The following GALK2 variants were observed in gnomAD, a reference collection of about 807,000 sequenced individuals.
GALK2 encodes N-acetylgalactosamine kinase.
A neutral mutation model predicts 52.4 loss-of-function variants in GALK2; 36 were observed. That is an observed-to-expected ratio of 0.69 (90% CI 0.53 to 0.91). GALK2 has a LOEUF of 0.91. Ranked by LOEUF, GALK2 falls within the 40% of genes least tolerant of loss-of-function variation. The pLI, the probability that GALK2 is intolerant of heterozygous loss-of-function variation, is 0.00. For synonymous variants in GALK2, 176 were observed against 199.1 expected (o/e 0.88, Z 0.98); for missense variants, 579 against 559.1 (o/e 1.04, Z -0.36).
intron 3 of GALK2, among the ~76,000 whole-genome samples, chr15:49,350,539 G>A (rs1264858973): frequency 6.6e-6 from 1 of 152,132 alleles, no homozygotes; most frequent in Admixed American, 6.5e-5. Flanking sequence ...AATAGTGGGG[G>A]AAAGCAAATA....
Position 49,188,319 on chromosome 15 carries a change from A to T in GALK2, c.54-12843A>T, listed in dbSNP as rs1487135410. On this transcript the variant is annotated intron_variant, in intron 1 of 9. Transcript: ENST00000560031. Reference sequence around the variant, plus strand: ...TACTTTCAGGCTGCTGGGATGGGCAATTTCCCTCTAGCTAGGGCTGGTCTA... The same window carrying T: ...TACTTTCAGGCTGCTGGGATGGGCATTTTCCCTCTAGCTAGGGCTGGTCTA... Among the ~76,000 whole-genome samples, 5 of 152,246 alleles carry T rather than the reference A, an allele frequency of 3.3e-5. No homozygotes were observed. In the East Asian group the frequency reaches 7.7e-4, roughly 24 times the overall value.
At chr15:49,250,043 C>T (rs1441392283) in intron 5 of GALK2, among the ~76,000 whole-genome samples, 2 of 152,122 alleles carry the variant, frequency 1.3e-5, no homozygotes, top group Admixed American at 6.6e-5. Flanking sequence ...AGGGTGGACG[C>T]GTCAGGTTAT....
intron 5 of GALK2, among the ~76,000 whole-genome samples, chr15:49,273,888 G>C (rs1005737895): frequency 6.6e-6 from 1 of 152,162 alleles, no homozygotes; most frequent in Non-Finnish European, 1.5e-5. Context: ...GGTTGTAACA[G>C]AAAACAGATG....
At chr15:49,321,939 T>C (rs1052690731) in intron 9 of GALK2, among the ~76,000 whole-genome samples, 1 of 152,214 alleles carries the variant, frequency 6.6e-6, no homozygotes, top group African/African-American at 2.4e-5. Context: ...TAGAGTAGGA[T>C]GAAAAGTGGG....
At chr15:49,197,964 C>G (rs189871748) in intron 1 of GALK2, among the ~76,000 whole-genome samples, 4 of 152,074 alleles carry the variant, frequency 2.6e-5, no homozygotes, top group Non-Finnish European at 5.9e-5. Context: ...TTGAAAAGCA[C>G]TAATATTTTA....
At chr15:49,298,963 A>C (rs568453243) in intron 8 of GALK2, among the ~76,000 whole-genome samples, 1 of 152,280 alleles carries the variant, frequency 6.6e-6, no homozygotes, top group South Asian at 2.1e-4. Flanking sequence ...AATTTTTGGA[A>C]TAATTCCAGT....
At chr15:49,284,326 G>A (rs2033099037) in intron 7 of GALK2, among the ~76,000 whole-genome samples, 1 of 152,166 alleles carries the variant, frequency 6.6e-6, no homozygotes, top group Non-Finnish European at 1.5e-5. Flanking sequence ...CATAGGACAT[G>A]GGACTAGAGA....
At chr15:49,286,963 T>C (rs967171767) in intron 7 of GALK2, among the ~76,000 whole-genome samples, 2 of 152,166 alleles carry the variant, frequency 1.3e-5, no homozygotes. Flanking sequence ...ACATGTAAAA[T>C]CAGTTCATGT....
intron 3 of GALK2, among the ~76,000 whole-genome samples, chr15:49,354,346 C>G (rs1191321646): frequency 6.6e-6 from 1 of 152,212 alleles, no homozygotes; most frequent in African/African-American, 2.4e-5. Context: ...GGGTTCATCT[C>G]ACTAGGGAGT....
intron 3 of GALK2, among the ~76,000 whole-genome samples, chr15:49,351,097 A>C (rs755527476): frequency 6.6e-6 from 1 of 152,278 alleles, no homozygotes; most frequent in East Asian, 1.9e-4. Context: ...TTTCCTATAT[A>C]AACTATCCAT....
chr15:49,259,814 G>C (rs1479902953), intron 5 of GALK2, among the ~76,000 whole-genome samples: 1 of 148,778 alleles, frequency 6.7e-6, no homozygotes, highest in Non-Finnish European at 1.5e-5. Context: ...CCACCTATGA[G>C]TGAGAATATG....
At chr15:49,367,444 A>T (rs377727825) in intron 3 of GALK2, 8 of 1,561,450 alleles carry the variant, frequency 5.1e-6, no homozygotes, top group Non-Finnish European at 6.9e-6. Context: ...TTTAAAAAGG[A>T]TATGGTTCCT....
At chr15:49,231,767 TA>T (rs2053444102) in intron 3 of GALK2, among the ~76,000 whole-genome samples, 1 of 152,230 alleles carries the variant, frequency 6.6e-6, no homozygotes, top group Non-Finnish European at 1.5e-5. Context: ...CATTAAATCT[TA>T]AAGCTCCAAA....
intron 3 of GALK2, among the ~76,000 whole-genome samples, chr15:49,234,495 C>T (rs772847293): frequency 6.6e-5 from 10 of 152,078 alleles, no homozygotes; most frequent in Admixed American, 2.0e-4. Context: ...TTCCATATGG[C>T]GGGGGAAGCC....
At chr15:49,347,027 C>G (rs1460882574) in intron 3 of GALK2, among the ~76,000 whole-genome samples, 1 of 152,142 alleles carries the variant, frequency 6.6e-6, no homozygotes, top group Non-Finnish European at 1.5e-5. Flanking sequence ...GAAATAACAT[C>G]ATTGTTGGAA....
intron 3 of GALK2, among the ~76,000 whole-genome samples, chr15:49,234,328 C>A (rs1189622251): frequency 6.6e-6 from 1 of 152,158 alleles, no homozygotes; most frequent in Non-Finnish European, 1.5e-5. Context: ...CAAGGAGGCA[C>A]AAAACATCCC....
intron 6 of GALK2, among the ~76,000 whole-genome samples, chr15:49,282,797 G>A (rs535561442): frequency 6.6e-6 from 1 of 152,138 alleles, no homozygotes; most frequent in Non-Finnish European, 1.5e-5. Flanking sequence ...TTCTTAGTAA[G>A]AATATTTGTT....
At chr15:49,297,603 G>A (rs1238692600) in intron 8 of GALK2, among the ~76,000 whole-genome samples, 1 of 152,074 alleles carries the variant, frequency 6.6e-6, no homozygotes, top group Non-Finnish European at 1.5e-5. Context: ...GTTGATTTTT[G>A]TATATGGTAA....
intron 1 of GALK2, among the ~76,000 whole-genome samples, chr15:49,200,737 C>A (rs563868790): frequency 3.9e-5 from 6 of 152,188 alleles, no homozygotes; most frequent in Admixed American, 2.0e-4. Context: ...TTAAGCCATC[C>A]AGTTTATAGT....
Sources: gnomAD v4.1 joint callset for allele counts (sites outside exome capture counted in the v4.1 genomes callset) on GRCh38, gnomAD v4.1.1 for gene constraint, MANE v1.5 for transcripts, NCBI Gene and HGNC (gene_info 2026-07-23, HGNC 2026-07-21) for gene names.